The following DAAM2 variants were observed in gnomAD, a reference collection of about 807,000 sequenced individuals.
DAAM2 encodes the protein disheveled-associated activator of morphogenesis 2.
A neutral mutation model predicts 120.7 loss-of-function variants in DAAM2; 39 were observed. The ratio of observed to expected loss-of-function variants is 0.32; its 90% CI spans 0.25 to 0.42. The LOEUF (loss-of-function observed/expected upper bound fraction) is 0.42. Ranked by LOEUF, DAAM2 falls within the 10% of genes least tolerant of loss-of-function variation. The pLI is 1.00. For synonymous variants in DAAM2, 488 were observed against 524.9 expected (o/e 0.93, Z 0.96); for missense variants, 1,283 against 1,401.7 (o/e 0.92, Z 1.35).
chr6:39,874,498 TCCTGTTC>T (rs1293380569), intron 10 of DAAM2, among the ~76,000 whole-genome samples: 1 of 152,214 alleles, frequency 6.6e-6, no homozygotes, highest in Non-Finnish European at 1.5e-5. Context: ...TTCCTGTGTT[TCCTGTTC>T]CATGGGCAAT....
At chr6:39,821,682 C>T (rs1582620844) in intron 1 of DAAM2, 1 of 152,314 alleles carries the variant, frequency 6.6e-6, no homozygotes, top group East Asian at 1.9e-4. Flanking sequence ...AACCTTGAGG[C>T]AGGGAGCTGG....
intron 11 of DAAM2, 128 bp downstream of exon 11, chr6:39,875,596 T>C: frequency 2.6e-6 from 3 of 1,153,832 alleles, no homozygotes; most frequent in Non-Finnish European, 3.7e-6. Flanking sequence ...TTGGGCAGCA[T>C]GGTCCAACAG....
At chr6:39,833,325 A>G (rs1302239464) in intron 1 of DAAM2, among the ~76,000 whole-genome samples, 3 of 146,348 alleles carry the variant, frequency 2.0e-5, no homozygotes, top group African/African-American at 7.6e-5. Flanking sequence ...TTCCTTCCTG[A>G]TGGGAGTCTC....
chr6:39,855,072 A>G (rs535606960), intron 1 of DAAM2, among the ~76,000 whole-genome samples: 5 of 152,374 alleles, frequency 3.3e-5, no homozygotes, highest in East Asian at 1.9e-4. Flanking sequence ...GATACTCAAC[A>G]GGGATAAAAA....
At chr6:39,899,031 C>CAATGGGCAT (rs2149378072) in intron 22 of DAAM2, 94 bp downstream of exon 22, 1 of 930,164 alleles carries the variant, frequency 1.1e-6, no homozygotes, top group South Asian at 1.4e-5. Flanking sequence ...GGGCAAAAAA[C>CAATGGGCAT]AATGGGTACA....
intron 1 of DAAM2, among the ~76,000 whole-genome samples, chr6:39,823,784 C>T (rs988358360): frequency 6.6e-6 from 1 of 152,148 alleles, no homozygotes; most frequent in Non-Finnish European, 1.5e-5. Flanking sequence ...TTAGATGGGG[C>T]TGGGCAATCA....
In DAAM2 at chr6:39,875,474, C is replaced by T. The variant is rs758096829; in HGVS notation, c.1301+6C>T. The T allele has an allele frequency of 1.2e-5, 19 of 1,611,862 alleles. No individual in the cohort carries two copies. Among genetic ancestry groups the T allele is most frequent in the Non-Finnish European group, 1.6e-5 (19 of 1,178,744 alleles). On this transcript the variant is annotated splice_donor_region_variant and intron_variant, in intron 11 of 24. Transcript: ENST00000274867. ...GTCAAGAACATCGTCAACATGTGAG[C>T]AGTGGCCAGCCTTTGCCCTGTCTTC...
At chr6:39,832,095 G>A (rs1158131068) in intron 1 of DAAM2, among the ~76,000 whole-genome samples, 1 of 150,124 alleles carries the variant, frequency 6.7e-6, no homozygotes, top group Non-Finnish European at 1.5e-5. Context: ...GGGAACAGGT[G>A]TACTGGGGGG....
intron 1 of DAAM2, among the ~76,000 whole-genome samples, chr6:39,827,129 AGAATTT>A (rs1762702243): frequency 6.6e-6 from 1 of 152,224 alleles, no homozygotes; most frequent in Non-Finnish European, 1.5e-5. Flanking sequence ...GAAGCAAAGC[AGAATTT>A]GTCTGCGACT....
At chr6:39,827,993 G>A (rs918586541) in intron 1 of DAAM2, among the ~76,000 whole-genome samples, 8 of 151,998 alleles carry the variant, frequency 5.3e-5, no homozygotes, top group South Asian at 2.1e-4. Context: ...TCTCTCTAAC[G>A]CCTCCTCCTC....
At position 39,802,672 on chromosome 6, in the gene DAAM2, T is replaced by G. The variant is rs1021371736; in HGVS notation, c.-57+10207T>G. Reference sequence around the variant, plus strand: ...ATACATCCCAGTGCCTTTTGCTGTCTACTGCCTACCTAGTCCACTCAACTC... The same window carrying G: ...ATACATCCCAGTGCCTTTTGCTGTCGACTGCCTACCTAGTCCACTCAACTC... On this transcript the variant is annotated intron_variant, in intron 1 of 24. Coordinates refer to ENST00000274867, the MANE Select transcript of DAAM2 (RefSeq NM_001201427.2). 4.6e-5 allele frequency among the ~76,000 whole-genome samples: 7 copies of G among 152,346 alleles called. No homozygotes were observed. In the East Asian group the frequency reaches 1.3e-3, roughly 29 times the overall value.
intron 4 of DAAM2, 63 bp from the exon 5 acceptor site, chr6:39,864,917 C>T: frequency 1.3e-6 from 2 of 1,554,964 alleles, no homozygotes; most frequent in Non-Finnish European, 1.7e-6. Context: ...CCCTGGGTCA[C>T]ACCTGAGCTG....
In DAAM2 at chr6:39,901,424, GAGGAGGAGGA is replaced by G. The variant is rs751062357; in HGVS notation, c.2945_2954del (p.Lys982ArgfsTer11). The G allele has an allele frequency of 3.1e-6, 5 of 1,613,268 alleles. No homozygotes were observed. The highest frequency in any genetic ancestry group is 2.2e-5 in the East Asian group (1 of 44,870). On this transcript the variant is annotated frameshift_variant, in exon 24 of 25. Coordinates refer to ENST00000274867, the MANE Select transcript of DAAM2 (RefSeq NM_001201427.2). LOFTEE classifies it high-confidence loss of function. The surrounding 1 kb of genome is among the most constrained non-coding windows in gnomAD (Gnocchi z 4.5). ...AGGCCCGGCAGGATCTAGAGGCCAT[GAGGAGGAGGA>G]AGGAGGAGGAGGAGCGGCGGGCGCG...
chr6:39,806,208 G>T (rs1762005548), intron 1 of DAAM2, among the ~76,000 whole-genome samples: 1 of 152,170 alleles, frequency 6.6e-6, no homozygotes, highest in African/African-American at 2.4e-5. Flanking sequence ...GTCTTGCTCA[G>T]AATGTAAAAG....
chr6:39,895,626 T>A (rs931121729), intron 19 of DAAM2, among the ~76,000 whole-genome samples: 1 of 152,226 alleles, frequency 6.6e-6, no homozygotes, highest in East Asian at 1.9e-4. Flanking sequence ...CAGTTTGGCA[T>A]AAGCCACAGA....
chr6:39,815,675 CA>C (rs1457388394), intron 1 of DAAM2, among the ~76,000 whole-genome samples: 3 of 151,370 alleles, frequency 2.0e-5, no homozygotes, highest in South Asian at 2.1e-4. Context: ...CACACACACA[CA>C]CACACACACC....
At chr6:39,852,110 G>T (rs1333567503) in intron 1 of DAAM2, among the ~76,000 whole-genome samples, 1 of 152,208 alleles carries the variant, frequency 6.6e-6, no homozygotes, top group Non-Finnish European at 1.5e-5. Flanking sequence ...GATGTGGAGG[G>T]CAGGGAGCTG....
At position 39,896,829 on chromosome 6, in the gene DAAM2, C is replaced by T. The variant is rs201714943; in HGVS notation, c.2359C>T (p.Arg787Trp). The T allele has an allele frequency of 7.8e-4, 1,252 of 1,601,490 alleles. 2 individuals are homozygous for T. The highest frequency in any genetic ancestry group is 9.7e-4 in the Non-Finnish European group (1,134 of 1,173,034). Residue 787 changes from arginine to tryptophan, a missense_variant, in exon 20 of 25, where the codon CGG becomes TGG. This residue lies in a region of DAAM2 where 748 missense variants were observed against 768.6 expected (regional missense o/e 0.97). Transcript: ENST00000274867. Reference protein sequence around the residue: ...PKVEAILLASRELVRSKRLRQ... With the variant: ...PKVEAILLASWELVRSKRLRQ... ...TCTCCCAGCCATCCTGTTGGCCTCC[C>T]GGGAGCTGGTCCGCAGCAAGCGTCT...
chr6:39,824,463 TC>T (rs34961474), intron 1 of DAAM2, among the ~76,000 whole-genome samples: 1 of 152,172 alleles, frequency 6.6e-6, no homozygotes, highest in African/African-American at 2.4e-5. Context: ...TGTTTTGACA[TC>T]CCCTGTGGGG....
Sources: allele counts gnomAD v4.1 joint callset (sites outside exome capture counted in the v4.1 genomes callset), GRCh38; gene constraint gnomAD v4.1.1; regional missense constraint gnomAD v4.1.1; non-coding constraint Gnocchi (gnomAD v3.1); transcripts MANE v1.5; gene names NCBI Gene and HGNC (gene_info 2026-07-23, HGNC 2026-07-21).